The following SLC31A1 variants were observed in gnomAD, a reference collection of about 807,000 sequenced individuals.
The protein encoded by SLC31A1 is solute carrier family 31 member 1.
In SLC31A1, 5 loss-of-function variants were observed where a neutral mutation model predicts 17.2. That is an observed-to-expected ratio of 0.29 (90% CI 0.15 to 0.61). The LOEUF (loss-of-function observed/expected upper bound fraction) is 0.61, where lower values mean the gene tolerates loss of function less well. Among genes scored for constraint, SLC31A1 ranks in the 20% least tolerant of loss-of-function variants. The pLI, the probability that SLC31A1 is intolerant of heterozygous loss-of-function variation, is 0.86. For synonymous variants in SLC31A1, 76 were observed against 78.8 expected, an observed-to-expected ratio of 0.96 and a Z score of 0.19; for missense variants, 161 against 241.4, an observed-to-expected ratio of 0.67 and a Z score of 2.21.
At chr9:113,249,357 T>C (rs1484981023) in intron 1 of SLC31A1, among the ~76,000 whole-genome samples, 1 of 138,932 alleles carries the variant, frequency 7.2e-6, no homozygotes, top group Non-Finnish European at 1.6e-5. Flanking sequence ...TCTTTCTTTG[T>C]TTTTTTTTTA....
chr9:113,247,029 A>G (rs1831588550), intron 1 of SLC31A1, among the ~76,000 whole-genome samples: 1 of 152,244 alleles, frequency 6.6e-6, no homozygotes, highest in African/African-American at 2.4e-5. Context: ...CAGGTCGTCA[A>G]AAGGCAAGAT....
intron 1 of SLC31A1, among the ~76,000 whole-genome samples, chr9:113,240,128 C>G (rs1424683112): frequency 6.6e-6 from 1 of 152,170 alleles, no homozygotes; most frequent in African/African-American, 2.4e-5. Flanking sequence ...GTTCTTTCAC[C>G]GTTATTCTCT....
chr9:113,260,006 G>A (rs1564221793), intron 4 of SLC31A1, among the ~76,000 whole-genome samples: 1 of 152,098 alleles, frequency 6.6e-6, no homozygotes, highest in African/African-American at 2.4e-5. Context: ...AGGTAAGTCG[G>A]GATTACTCCT....
chr9:113,245,772 C>T lies in SLC31A1; in HGVS notation c.-35-10342C>T, dbSNP rs572587518. Among the ~76,000 whole-genome samples the T allele has an allele frequency of 3.8e-4, 57 of 151,836 alleles. 1 individual carries two copies. The South Asian group carries it at 6.9e-3, about 18-fold the overall frequency. On this transcript the variant is annotated intron_variant, in intron 1 of 4. Coordinates refer to ENST00000374212, the MANE Select transcript of SLC31A1 (RefSeq NM_001859.4). ...TGAGCCTCTCAAGTAGTTGAGACTA[C>T]GGGCACACATCACCACACCTGGCTA...
At chr9:113,248,036 T>C (rs1831602371) in intron 1 of SLC31A1, among the ~76,000 whole-genome samples, 1 of 152,138 alleles carries the variant, frequency 6.6e-6, no homozygotes, top group African/African-American at 2.4e-5. Flanking sequence ...TCCAAGAAGA[T>C]GGCCAGGCAT....
intron 1 of SLC31A1, among the ~76,000 whole-genome samples, chr9:113,251,564 A>C (rs757717770): frequency 1.3e-5 from 2 of 152,222 alleles, no homozygotes; most frequent in Non-Finnish European, 2.9e-5. Context: ...ACAGGCTAAA[A>C]AGAACCAATG....
At chr9:113,251,932 T>G (rs920918648) in intron 1 of SLC31A1, among the ~76,000 whole-genome samples, 2 of 152,322 alleles carry the variant, frequency 1.3e-5, no homozygotes, top group African/African-American at 4.8e-5. Flanking sequence ...CGGTAAGCCT[T>G]GCATAGGATT....
intron 1 of SLC31A1, among the ~76,000 whole-genome samples, chr9:113,229,590 A>G (rs1297113080): frequency 1.3e-5 from 2 of 152,180 alleles, no homozygotes; most frequent in East Asian, 1.9e-4. Context: ...TGCTATTACA[A>G]ACACTCCTGT....
chr9:113,256,976 G>A, intron 2 of SLC31A1, 137 bp from the exon 3 acceptor site: 1 of 755,016 alleles, frequency 1.3e-6, no homozygotes, highest in Non-Finnish European at 2.4e-6. Context: ...CTAACATGAG[G>A]GCAAAAGCCT....
intron 3 of SLC31A1, 87 bp downstream of exon 3, chr9:113,257,272 T>A: frequency 1.8e-6 from 2 of 1,086,150 alleles, no homozygotes; most frequent in East Asian, 4.7e-5. Context: ...CCTCTTTCTG[T>A]CCTAATTACT....
intron 1 of SLC31A1, among the ~76,000 whole-genome samples, chr9:113,244,117 T>C (rs1233648495): frequency 7.3e-6 from 1 of 136,186 alleles, no homozygotes; most frequent in Non-Finnish European, 1.5e-5. Context: ...ATCATACCAC[T>C]GTACTCCAGC....
chr9:113,242,040 T>C (rs1047462301), intron 1 of SLC31A1, among the ~76,000 whole-genome samples: 7 of 152,100 alleles, frequency 4.6e-5, no homozygotes, highest in African/African-American at 1.7e-4. Context: ...ATACAAACAA[T>C]TAGCCAGGCA....
intron 1 of SLC31A1, among the ~76,000 whole-genome samples, chr9:113,252,648 A>T (rs1479204159): frequency 1.3e-5 from 2 of 152,140 alleles, no homozygotes. Context: ...GAAAATTATG[A>T]CTGTTCAGTT....
chr9:113,225,237 G>A (rs1831327921), intron 1 of SLC31A1, among the ~76,000 whole-genome samples: 1 of 152,168 alleles, frequency 6.6e-6, no homozygotes, highest in African/African-American at 2.4e-5. Flanking sequence ...AGAGTTCTGT[G>A]GGATAGTTTG....
chr9:113,256,079 C>T, intron 1 of SLC31A1, 35 bp from the exon 2 acceptor site: 3 of 1,430,174 alleles, frequency 2.1e-6, no homozygotes, highest in Non-Finnish European at 2.9e-6. Context: ...TTTTTATATC[C>T]TTAAATTATT....
At chr9:113,257,025 A>T in intron 2 of SLC31A1, 88 bp from the exon 3 acceptor site, 1 of 1,073,522 alleles carries the variant, frequency 9.3e-7, no homozygotes, top group Non-Finnish European at 1.5e-6. Context: ...CAGATCTTCT[A>T]CTTTTAAATG....
intron 1 of SLC31A1, among the ~76,000 whole-genome samples, chr9:113,237,835 C>T (rs1831478739): frequency 6.6e-6 from 1 of 152,082 alleles, no homozygotes; most frequent in Non-Finnish European, 1.5e-5. Flanking sequence ...ACTGTTGGAC[C>T]CAGACTTAGA....
chr9:113,241,998 G>A (rs563283768), intron 1 of SLC31A1, among the ~76,000 whole-genome samples: 1 of 152,294 alleles, frequency 6.6e-6, no homozygotes, highest in South Asian at 2.1e-4. Context: ...GACCATCCTG[G>A]CTAACATGGT....
At chr9:113,228,961 C>G (rs951462351) in intron 1 of SLC31A1, among the ~76,000 whole-genome samples, 4 of 152,174 alleles carry the variant, frequency 2.6e-5, no homozygotes, top group African/African-American at 7.2e-5. Context: ...ATTCTCCTGC[C>G]TTAGCCTCCC....
Sources: allele counts gnomAD v4.1 joint callset (sites outside exome capture counted in the v4.1 genomes callset), GRCh38; gene constraint gnomAD v4.1.1; transcripts MANE v1.5; gene names NCBI Gene and HGNC (gene_info 2026-07-23, HGNC 2026-07-21).